Variants in TCF4 observed in about 807,000 individuals in gnomAD.
The protein encoded by TCF4 is transcription factor 4.
In TCF4, 3 loss-of-function variants were observed where a neutral mutation model predicts 82.1. The observed-to-expected ratio is 0.04, with a 90% CI of 0.02 to 0.09. The LOEUF (loss-of-function observed/expected upper bound fraction) is 0.09. Among genes scored for constraint, TCF4 ranks in the 10% least tolerant of loss-of-function variants. The pLI, the probability that TCF4 is intolerant of heterozygous loss-of-function variation, is 1.00. For synonymous variants in TCF4, 276 were observed against 309.6 expected (o/e 0.89, Z 1.14); for missense variants, 518 against 852.7 (o/e 0.61, Z 4.89).
chr18:55,569,212 CAAA>C (rs139870092), intron 3 of TCF4, among the ~76,000 whole-genome samples: 5 of 129,198 alleles, frequency 3.9e-5, no homozygotes, highest in Admixed American at 7.4e-5. Context: ...ACAGTAAAGA[CAAA>C]AAAAAAAAAA....
At chr18:55,518,660 C>T (rs1183607675) in intron 3 of TCF4, among the ~76,000 whole-genome samples, 2 of 151,902 alleles carry the variant, frequency 1.3e-5, no homozygotes, top group African/African-American at 4.8e-5. Flanking sequence ...GATGAATAAC[C>T]CAGAAATATG....
At chr18:55,423,775 C>A (rs971805292) in intron 5 of TCF4, among the ~76,000 whole-genome samples, 1 of 152,064 alleles carries the variant, frequency 6.6e-6, no homozygotes. Flanking sequence ...CTCAGCTCCC[C>A]CCGGACCTCA....
At chr18:55,275,943 TA>T (rs1200292507) in intron 9 of TCF4, among the ~76,000 whole-genome samples, 191 bp from the exon 10 acceptor site, 3 of 152,162 alleles carry the variant, frequency 2.0e-5, no homozygotes, top group African/African-American at 7.2e-5. Flanking sequence ...TATAAACACT[TA>T]AAAAAGTTAA....
At chr18:55,318,128 C>T (rs1363396579) in intron 8 of TCF4, among the ~76,000 whole-genome samples, 4 of 152,064 alleles carry the variant, frequency 2.6e-5, no homozygotes, top group Admixed American at 6.6e-5. Context: ...GAGGACATTT[C>T]GCCACTTTTG....
intron 8 of TCF4, among the ~76,000 whole-genome samples, chr18:55,316,328 T>C (rs986134212): frequency 6.6e-6 from 1 of 152,140 alleles, no homozygotes; most frequent in Non-Finnish European, 1.5e-5. Flanking sequence ...ATTTTCTGAA[T>C]GAGTAAACAA....
At chr18:55,477,156 T>C (rs564150910) in intron 3 of TCF4, among the ~76,000 whole-genome samples, 7 of 152,346 alleles carry the variant, frequency 4.6e-5, no homozygotes, top group Admixed American at 2.6e-4. Flanking sequence ...TGCTTTCTGC[T>C]TCCTATTTTT....
chr18:55,403,899 T>C (rs1490347452), intron 5 of TCF4: 9 of 1,430,208 alleles, frequency 6.3e-6, no homozygotes, highest in South Asian at 1.5e-5. Context: ...GTAATTCCCA[T>C]TGATTATATT....
intron 3 of TCF4, among the ~76,000 whole-genome samples, chr18:55,509,787 C>T (rs1158606165): frequency 1.3e-5 from 2 of 152,084 alleles, no homozygotes; most frequent in East Asian, 3.9e-4. Flanking sequence ...TACTGAAGTT[C>T]TGAGCCAAAA....
chr18:55,437,518 G>T (rs993367224), intron 5 of TCF4, among the ~76,000 whole-genome samples: 1 of 152,140 alleles, frequency 6.6e-6, no homozygotes, highest in Non-Finnish European at 1.5e-5. Context: ...ATAATTAGGT[G>T]CTAAGTAGGT....
intron 10 of TCF4, among the ~76,000 whole-genome samples, chr18:55,273,936 G>A (rs949677954): frequency 5.3e-5 from 8 of 152,170 alleles, no homozygotes; most frequent in East Asian, 3.9e-4. Context: ...AAATCAAATC[G>A]CCTAACTCAA....
intron 11 of TCF4, chr18:55,265,962 T>C (rs1031156109): frequency 2.7e-4 from 41 of 152,182 alleles, no homozygotes; most frequent in African/African-American, 8.4e-4. Context: ...AAAACAATAA[T>C]AGTTATTATA....
At chr18:55,463,946 C>CTGTGTG (rs1491179811) in intron 4 of TCF4, 130 bp downstream of exon 4, 30 of 628,296 alleles carry the variant, frequency 4.8e-5, no homozygotes, top group African/African-American at 1.3e-4. Flanking sequence ...ATGCCCATGC[C>CTGTGTG]TCTGTGTGTG....
At chr18:55,617,489 T>C (rs2097713239) in intron 2 of TCF4, among the ~76,000 whole-genome samples, 1 of 152,126 alleles carries the variant, frequency 6.6e-6, no homozygotes, top group Admixed American at 6.6e-5. Context: ...GGAATTTTTA[T>C]AGGGGTTCCT....
chr18:55,400,565 C>T (rs977555520), intron 6 of TCF4, among the ~76,000 whole-genome samples: 1 of 152,076 alleles, frequency 6.6e-6, no homozygotes, highest in Non-Finnish European at 1.5e-5. Context: ...ATGAAAACAA[C>T]TTAATTGCTA....
chr18:55,503,477 T>C (rs1358181638), intron 3 of TCF4, among the ~76,000 whole-genome samples: 1 of 152,176 alleles, frequency 6.6e-6, no homozygotes, highest in Non-Finnish European at 1.5e-5. Flanking sequence ...GGCATACTCC[T>C]CCTCATAGAA....
intron 3 of TCF4, among the ~76,000 whole-genome samples, chr18:55,548,886 T>G (rs2097231669): frequency 6.6e-6 from 1 of 152,242 alleles, no homozygotes; most frequent in Non-Finnish European, 1.5e-5. Flanking sequence ...GACAAGAAGT[T>G]GCTTTAGGTG....
intron 1 of TCF4, among the ~76,000 whole-genome samples, chr18:55,632,498 G>T (rs2097732575): frequency 6.6e-6 from 1 of 152,214 alleles, no homozygotes; most frequent in Non-Finnish European, 1.5e-5. Context: ...AGATTGTAAA[G>T]ATCACACCAA....
chr18:55,516,344 C>T (rs2096881274), intron 3 of TCF4, among the ~76,000 whole-genome samples: 1 of 151,910 alleles, frequency 6.6e-6, no homozygotes, highest in Non-Finnish European at 1.5e-5. Context: ...TTAGTTTGGT[C>T]TTATCTAAAT....
chr18:55,608,229 T>C (rs2097703933), intron 2 of TCF4, among the ~76,000 whole-genome samples: 1 of 152,182 alleles, frequency 6.6e-6, no homozygotes, highest in Non-Finnish European at 1.5e-5. Flanking sequence ...TTTGAGGGGT[T>C]AAGTACTATG....
Sources: allele counts gnomAD v4.1 joint callset (sites outside exome capture counted in the v4.1 genomes callset), GRCh38; gene constraint gnomAD v4.1.1; transcripts MANE v1.5; gene names NCBI Gene and HGNC (gene_info 2026-07-23, HGNC 2026-07-21).